Variants in CSMD3 observed in about 807,000 individuals in gnomAD.
CSMD3 encodes CUB and sushi domain-containing protein 3.
Under a neutral mutation model 435.2 loss-of-function variants are expected in CSMD3, and 177 were observed. The ratio of observed to expected loss-of-function variants is 0.41; its 90% CI spans 0.36 to 0.46. CSMD3 has a LOEUF of 0.46. Ranked by LOEUF, CSMD3 falls within the 20% of genes least tolerant of loss-of-function variation. The pLI, the probability that CSMD3 is intolerant of heterozygous loss-of-function variation, is 0.34. For synonymous variants in CSMD3, 1,656 were observed against 1,520.5 expected (o/e 1.09, Z -2.07); for missense variants, 4,265 against 4,504.6 (o/e 0.95, Z 1.52).
At chr8:112,458,153 A>G (rs1346919373) in intron 32 of CSMD3, among the ~76,000 whole-genome samples, 1 of 151,730 alleles carries the variant, frequency 6.6e-6, no homozygotes, top group African/African-American at 2.4e-5. Flanking sequence ...CAGTATTTTC[A>G]TTGAGCTGCA....
At chr8:112,786,743 T>C (rs990858742) in intron 13 of CSMD3, among the ~76,000 whole-genome samples, 4 of 152,070 alleles carry the variant, frequency 2.6e-5, no homozygotes, top group African/African-American at 9.7e-5. Context: ...AAAAAGACTT[T>C]TTTTATTATT....
intron 10 of CSMD3, among the ~76,000 whole-genome samples, chr8:112,904,966 C>T (rs1168179462): frequency 6.6e-6 from 1 of 151,236 alleles, no homozygotes; most frequent in East Asian, 2.0e-4. Context: ...AGTTAGGATT[C>T]CTGTTGATAA....
intron 23 of CSMD3, among the ~76,000 whole-genome samples, chr8:112,586,059 A>T (rs1830699031): frequency 6.6e-6 from 1 of 151,656 alleles, no homozygotes; most frequent in Non-Finnish European, 1.5e-5. Flanking sequence ...ATACATTGTG[A>T]GAAATTTTCC....
At chr8:113,250,813 T>C (rs1377339554) in intron 3 of CSMD3, among the ~76,000 whole-genome samples, 1 of 152,052 alleles carries the variant, frequency 6.6e-6, no homozygotes, top group Non-Finnish European at 1.5e-5. Context: ...TAAAAACCAA[T>C]AGAAGAGTGA....
intron 5 of CSMD3, among the ~76,000 whole-genome samples, chr8:113,038,103 T>C (rs928499625): frequency 1.3e-5 from 2 of 151,792 alleles, no homozygotes; most frequent in Non-Finnish European, 2.9e-5. Flanking sequence ...AGGCAGAAAA[T>C]AGACTGGGGC....
intron 4 of CSMD3, among the ~76,000 whole-genome samples, chr8:113,104,853 T>C: frequency 6.6e-6 from 1 of 152,114 alleles, no homozygotes; most frequent in East Asian, 1.9e-4. Context: ...GAGCAAAGTA[T>C]AATGGCATTT....
chr8:113,351,129 C>A (rs1338678006), intron 1 of CSMD3, among the ~76,000 whole-genome samples: 2 of 152,092 alleles, frequency 1.3e-5, no homozygotes, highest in African/African-American at 4.8e-5. Context: ...GCTTTTAGTT[C>A]TTTATCACAG....
intron 17 of CSMD3, among the ~76,000 whole-genome samples, chr8:112,657,379 T>C (rs935384839): frequency 1.4e-4 from 21 of 152,112 alleles, no homozygotes; most frequent in African/African-American, 5.1e-4. Context: ...AAAACTTAAA[T>C]AGTATTACAT....
At chr8:113,246,024 C>T (rs184003943) in intron 3 of CSMD3, among the ~76,000 whole-genome samples, 9 of 152,060 alleles carry the variant, frequency 5.9e-5, no homozygotes, top group African/African-American at 1.9e-4. Context: ...TCTTTTACTG[C>T]TTTCAAGTTT....
At chr8:112,792,802 C>T (rs1301775159) in intron 13 of CSMD3, among the ~76,000 whole-genome samples, 2 of 151,906 alleles carry the variant, frequency 1.3e-5, no homozygotes, top group Non-Finnish European at 1.5e-5. Context: ...TGTATCTTTT[C>T]TGATTCAAAT....
chr8:112,346,668 C>CTTTTTTTT (rs1563820913), intron 40 of CSMD3, among the ~76,000 whole-genome samples: 1 of 129,222 alleles, frequency 7.7e-6, no homozygotes, highest in African/African-American at 3.3e-5. Context: ...CCCTCCTTTT[C>CTTTTTTTT]CTTTTTTTTT....
chr8:112,283,130 A>T (rs1228705412), intron 58 of CSMD3, among the ~76,000 whole-genome samples: 1 of 152,056 alleles, frequency 6.6e-6, no homozygotes, highest in African/African-American at 2.4e-5. Flanking sequence ...AATCTCACAA[A>T]GCTAGTTAAT....
At chr8:113,168,117 C>T (rs1246440383) in intron 4 of CSMD3, among the ~76,000 whole-genome samples, 5 of 152,172 alleles carry the variant, frequency 3.3e-5, no homozygotes, top group African/African-American at 1.2e-4. Context: ...TTACCACTGA[C>T]GCTACTCTCT....
chr8:113,173,665 AT>A, intron 4 of CSMD3, 56 bp downstream of exon 4: 1 of 1,394,492 alleles, frequency 7.2e-7, no homozygotes, highest in Non-Finnish European at 1.0e-6. Flanking sequence ...CACCAAACAC[AT>A]TTTTCAAATA....
At chr8:112,264,225 G>A (rs1816721579) in intron 60 of CSMD3, among the ~76,000 whole-genome samples, 1 of 152,096 alleles carries the variant, frequency 6.6e-6, no homozygotes, top group South Asian at 2.1e-4. Flanking sequence ...CATGGAATTT[G>A]AAAGTAGTTC....
At chr8:112,411,929 T>G (rs1218267433) in intron 32 of CSMD3, among the ~76,000 whole-genome samples, 1 of 152,070 alleles carries the variant, frequency 6.6e-6, no homozygotes, top group African/African-American at 2.4e-5. Context: ...GTCCAGCAAA[T>G]TGGGTTACTT....
At chr8:112,474,600 G>C (rs1037795920) in intron 31 of CSMD3, among the ~76,000 whole-genome samples, 3 of 152,108 alleles carry the variant, frequency 2.0e-5, no homozygotes, top group Admixed American at 6.6e-5. Context: ...AAATAGATAG[G>C]TGTAGGTTTT....
chr8:112,358,617 G>A (rs1344491518), intron 38 of CSMD3, among the ~76,000 whole-genome samples: 8 of 152,124 alleles, frequency 5.3e-5, no homozygotes, highest in Non-Finnish European at 1.2e-4. Flanking sequence ...GAATTCCCCT[G>A]CACAAGTTCC....
intron 11 of CSMD3, among the ~76,000 whole-genome samples, chr8:112,845,611 T>C (rs953181261): frequency 6.6e-6 from 1 of 152,088 alleles, no homozygotes; most frequent in African/African-American, 2.4e-5. Context: ...TATAAAGCTA[T>C]GCAGAACCAT....
Sources: allele counts gnomAD v4.1 joint callset (sites outside exome capture counted in the v4.1 genomes callset), GRCh38; gene constraint gnomAD v4.1.1; transcripts MANE v1.5; gene names NCBI Gene and HGNC (gene_info 2026-07-23, HGNC 2026-07-21).